The following SLC17A8 variants were observed in gnomAD, a reference collection of about 807,000 sequenced individuals.
SLC17A8 encodes vesicular glutamate transporter 3.
In SLC17A8, 31 loss-of-function variants were observed where a neutral mutation model predicts 58.0. The ratio of observed to expected loss-of-function variants is 0.53; its 90% CI spans 0.40 to 0.72. SLC17A8 has a LOEUF of 0.72. SLC17A8 is among the 30% of genes least tolerant of loss of function. The pLI, the probability that SLC17A8 is intolerant of heterozygous loss-of-function variation, is 0.00. For synonymous variants in SLC17A8, 228 were observed against 249.0 expected, an observed-to-expected ratio of 0.92 and a Z score of 0.79; for missense variants, 655 against 727.8, an observed-to-expected ratio of 0.90 and a Z score of 1.15.
At chr12:100,391,381 CT>C (rs1952715312) in intron 3 of SLC17A8, among the ~76,000 whole-genome samples, 1 of 138,076 alleles carries the variant, frequency 7.2e-6, no homozygotes, top group Non-Finnish European at 1.6e-5. Flanking sequence ...GCCCCACCCC[CT>C]CCCCCACCCC....
intron 2 of SLC17A8, among the ~76,000 whole-genome samples, chr12:100,381,919 G>A (rs947792878): frequency 1.3e-5 from 2 of 152,300 alleles, no homozygotes; most frequent in Non-Finnish European, 1.5e-5. Context: ...ACTGTAATAC[G>A]ATTTGAACAT....
intron 1 of SLC17A8, among the ~76,000 whole-genome samples, chr12:100,361,134 C>A (rs148578775): frequency 2.5e-4 from 38 of 152,186 alleles, no homozygotes; most frequent in African/African-American, 8.7e-4. Context: ...CCTCAGGCAA[C>A]TTGGCTGCAA....
intron 1 of SLC17A8, among the ~76,000 whole-genome samples, chr12:100,359,156 A>T (rs964886988): frequency 6.6e-6 from 1 of 152,132 alleles, no homozygotes; most frequent in African/African-American, 2.4e-5. Flanking sequence ...AAATAAAATA[A>T]ATTTAAAAAC....
intron 1 of SLC17A8, among the ~76,000 whole-genome samples, chr12:100,377,669 G>A (rs1952604614): frequency 7.0e-6 from 1 of 143,132 alleles, no homozygotes; most frequent in Admixed American, 7.5e-5. Flanking sequence ...GCTCACTGCA[G>A]CCTCCGCCTC....
chr12:100,380,974 G>A, intron 2 of SLC17A8, 21 bp downstream of exon 2: 2 of 1,613,598 alleles, frequency 1.2e-6, no homozygotes, highest in South Asian at 1.1e-5. Context: ...GTCCATGGTG[G>A]AAGACTTTTC....
At chr12:100,379,703 CT>C (rs977045040) in intron 1 of SLC17A8, among the ~76,000 whole-genome samples, 8 of 150,966 alleles carry the variant, frequency 5.3e-5, no homozygotes, top group African/African-American at 1.9e-4. Flanking sequence ...TGTCCAATTA[CT>C]TTTTTTTTAA....
At chr12:100,404,466 C>T in intron 9 of SLC17A8, 1 of 389,256 alleles carries the variant, frequency 2.6e-6, no homozygotes. Flanking sequence ...GAAAAGTAGT[C>T]TTTCCTCCTA....
At chr12:100,372,515 C>A (rs1042970124) in intron 1 of SLC17A8, among the ~76,000 whole-genome samples, 12 of 151,982 alleles carry the variant, frequency 7.9e-5, no homozygotes, top group African/African-American at 2.9e-4. Flanking sequence ...ACACCTGGCT[C>A]AAATGTCCTC....
chr12:100,361,727 C>T (rs891179791), intron 1 of SLC17A8, among the ~76,000 whole-genome samples: 1 of 152,066 alleles, frequency 6.6e-6, no homozygotes, highest in Non-Finnish European at 1.5e-5. Context: ...TTTGGGAGTC[C>T]GAGGCAGGCA....
intron 5 of SLC17A8, among the ~76,000 whole-genome samples, chr12:100,399,155 C>A (rs1253039141): frequency 1.3e-5 from 2 of 152,140 alleles, no homozygotes; most frequent in African/African-American, 4.8e-5. Flanking sequence ...CTAGTGAGGG[C>A]CGAACCGGGG....
intron 10 of SLC17A8, among the ~76,000 whole-genome samples, chr12:100,415,009 C>G (rs888868349): frequency 1.1e-4 from 17 of 152,190 alleles, no homozygotes; most frequent in African/African-American, 3.9e-4. Context: ...CCCTTGATAA[C>G]TTTGTGATGC....
intron 1 of SLC17A8, among the ~76,000 whole-genome samples, chr12:100,379,155 T>G (rs1400039370): frequency 3.3e-5 from 5 of 152,126 alleles, no homozygotes. Context: ...CCTGCCAAGG[T>G]GCCGGGGGCG....
intron 10 of SLC17A8, among the ~76,000 whole-genome samples, 193 bp downstream of exon 10, chr12:100,413,073 T>A (rs1952882043): frequency 2.0e-5 from 3 of 152,206 alleles, no homozygotes; most frequent in South Asian, 2.1e-4. Context: ...GGGAGCTCAG[T>A]TAAGGTGGAA....
At chr12:100,376,648 A>G (rs887287869) in intron 1 of SLC17A8, among the ~76,000 whole-genome samples, 1 of 152,222 alleles carries the variant, frequency 6.6e-6, no homozygotes, top group Non-Finnish European at 1.5e-5. Context: ...TTAATGATCA[A>G]ATAAGAGAAT....
intron 9 of SLC17A8, among the ~76,000 whole-genome samples, chr12:100,404,990 G>A (rs1249866293): frequency 6.6e-6 from 1 of 152,232 alleles, no homozygotes; most frequent in East Asian, 1.9e-4. Flanking sequence ...ATGGGCAAGA[G>A]CTCACAACTG....
chr12:100,390,852 CAAGTATGT>C, intron 2 of SLC17A8, 141 bp from the exon 3 acceptor site: 1 of 680,348 alleles, frequency 1.5e-6, no homozygotes, highest in Non-Finnish European at 2.7e-6. Flanking sequence ...CTGCTATCCC[CAAGTATGT>C]AAGATGCCCT....
In SLC17A8 at chr12:100,372,176, A is replaced by T. The variant is rs546875294; in HGVS notation, c.102-8525A>T. Among the ~76,000 whole-genome samples the T allele has an allele frequency of 2.0e-5, 3 of 152,154 alleles. No individual in the cohort carries two copies. In the South Asian group the frequency reaches 6.2e-4, roughly 32 times the overall value. ...AATACTACAGAATGGGTGGCTTAAC[A>T]AACAGAAATTTATTTTCTCACAGTT... On this transcript the variant is annotated intron_variant, in intron 1 of 11. Coordinates refer to ENST00000323346, the MANE Select transcript of SLC17A8 (RefSeq NM_139319.3).
At chr12:100,411,737 C>G (rs910145775) in intron 9 of SLC17A8, among the ~76,000 whole-genome samples, 4 of 151,916 alleles carry the variant, frequency 2.6e-5, no homozygotes, top group African/African-American at 9.7e-5. Flanking sequence ...TCATAATTTC[C>G]TCATTCTTTT....
intron 2 of SLC17A8, among the ~76,000 whole-genome samples, chr12:100,389,213 T>C (rs975653546): frequency 6.6e-6 from 1 of 152,210 alleles, no homozygotes; most frequent in African/African-American, 2.4e-5. Context: ...GTTGTTGCTA[T>C]TGCCATCAGC....
Sources: gnomAD v4.1 joint callset for allele counts (sites outside exome capture counted in the v4.1 genomes callset) on GRCh38, gnomAD v4.1.1 for gene constraint, MANE v1.5 for transcripts, NCBI Gene and HGNC (gene_info 2026-07-23, HGNC 2026-07-21) for gene names.